Variants in PKHD1 observed in about 807,000 individuals in gnomAD.
The protein encoded by PKHD1 is fibrocystin.
In PKHD1, 291 loss-of-function variants were observed where a neutral mutation model predicts 412.0. The observed-to-expected ratio is 0.71, with a 90% CI of 0.64 to 0.78. The LOEUF (loss-of-function observed/expected upper bound fraction) is 0.78. PKHD1 is among the 30% of genes least tolerant of loss of function. The pLI, the probability that PKHD1 is intolerant of heterozygous loss-of-function variation, is 0.00. For synonymous variants in PKHD1, 1,777 were observed against 1,821.5 expected (o/e 0.98, Z 0.62); for missense variants, 4,825 against 4,950.7 (o/e 0.97, Z 0.76).
At position 51,748,804 on chromosome 6, in the gene PKHD1, C is replaced by T. The variant is rs1785606095; in HGVS notation, c.8951-139G>A. 4.0e-6 allele frequency: 3 copies of T among 756,680 alleles called. 1 individual carries two copies. Among genetic ancestry groups the T allele is most frequent in the South Asian group, 3.0e-5 (2 of 66,888 alleles). The allele number at this position is 756,680 out of a possible 1,614,324, so 46.9% of individuals were successfully genotyped here. A position where few individuals can be genotyped will look rare whatever the true frequency, so the allele number is the denominator to read the frequency against. ...CTCAACACCAACATTATATTTCACACCATAGATTCTCAACTAAAAATGTAG... is the reference window on the plus strand; with the variant it reads ...CTCAACACCAACATTATATTTCACATCATAGATTCTCAACTAAAAATGTAG... On this transcript the variant is annotated intron_variant, in intron 57 of 66. Coordinates refer to ENST00000371117, the MANE Select transcript of PKHD1 (RefSeq NM_138694.4).
At chr6:51,964,438 C>G (rs1177526356) in intron 35 of PKHD1, among the ~76,000 whole-genome samples, 1 of 152,128 alleles carries the variant, frequency 6.6e-6, no homozygotes, top group Admixed American at 6.6e-5. Flanking sequence ...AGACAAGTCC[C>G]TGTAACCATT....
intron 60 of PKHD1, among the ~76,000 whole-genome samples, chr6:51,682,596 T>C (rs148607555): frequency 2.6e-4 from 40 of 152,222 alleles, no homozygotes; most frequent in Middle Eastern, 3.4e-3. Flanking sequence ...CATTTTGCTA[T>C]GTCCAGGTCT....
chr6:51,683,847 T>G (rs572771827), intron 60 of PKHD1, among the ~76,000 whole-genome samples: 2 of 143,694 alleles, frequency 1.4e-5, no homozygotes, highest in Non-Finnish European at 3.0e-5. Context: ...GGTTAAAAAT[T>G]AAACGAGAGA....
intron 4 of PKHD1, among the ~76,000 whole-genome samples, chr6:52,081,319 T>C (rs1811992934): frequency 6.6e-6 from 1 of 152,192 alleles, no homozygotes; most frequent in Non-Finnish European, 1.5e-5. Flanking sequence ...TTAAAACCAA[T>C]AGTAGTGGTA....
chr6:51,866,550 T>C (rs1163207927), intron 48 of PKHD1, among the ~76,000 whole-genome samples: 1 of 152,128 alleles, frequency 6.6e-6, no homozygotes, highest in Admixed American at 6.6e-5. Flanking sequence ...TAACATCACA[T>C]TGACAAGTGC....
intron 36 of PKHD1, among the ~76,000 whole-genome samples, chr6:51,949,171 A>G (rs778137637): frequency 3.3e-5 from 5 of 152,204 alleles, no homozygotes; most frequent in Non-Finnish European, 7.3e-5. Context: ...TTAGATGTAA[A>G]CTAATTTACT....
rs1458400313 is a variant in PKHD1 at position 51,775,854 on chromosome 6, G to A, written c.8508C>T (p.Val2836=). ...LLILLRASEG[V]FCDRMNGIHI... The stretch of plus-strand genomic sequence containing the variant: ...GAATTCCATTCATACGGTCACAAAA[G>A]ACTCCCTCTGAGGCTCTAAGGAGAA... The change falls in exon 54 of 67, where the codon GTC becomes GTT. Residue 2836 remains valine, a synonymous_variant. Coordinates refer to ENST00000371117, the MANE Select transcript of PKHD1 (RefSeq NM_138694.4). The A allele has an allele frequency of 6.3e-7, 1 of 1,598,942 alleles. No individual in the cohort carries two copies. Among genetic ancestry groups the A allele is most frequent in the Non-Finnish European group, 8.6e-7 (1 of 1,167,196 alleles).
intron 36 of PKHD1, among the ~76,000 whole-genome samples, chr6:51,943,612 T>C (rs932388239): frequency 1.3e-5 from 2 of 151,694 alleles, no homozygotes; most frequent in African/African-American, 4.8e-5. Context: ...AGGGCTATGC[T>C]GAACCTCCTT....
intron 2 of PKHD1, 55 bp downstream of exon 2, chr6:52,084,827 C>T: frequency 9.3e-7 from 1 of 1,079,114 alleles, no homozygotes; most frequent in Non-Finnish European, 1.4e-6. Flanking sequence ...TAATAGTTCT[C>T]AAGGTAACCT....
chr6:51,835,546 C>T (rs1387940621), intron 51 of PKHD1, among the ~76,000 whole-genome samples: 2 of 152,102 alleles, frequency 1.3e-5, no homozygotes, highest in Non-Finnish European at 1.5e-5. Flanking sequence ...ATAAAAGGCA[C>T]TCAATAAACA....
chr6:51,673,752 C>T (rs766389103), intron 60 of PKHD1, among the ~76,000 whole-genome samples: 27 of 152,206 alleles, frequency 1.8e-4, no homozygotes, highest in Middle Eastern at 3.4e-3. Flanking sequence ...ATGGGAGCAG[C>T]ATGGAAACAT....
At chr6:52,031,007 C>A (rs1305415968) in intron 29 of PKHD1, among the ~76,000 whole-genome samples, 1 of 152,084 alleles carries the variant, frequency 6.6e-6, no homozygotes, top group East Asian at 1.9e-4. Flanking sequence ...GACCAATAGG[C>A]AGGGCCTTTC....
intron 27 of PKHD1, among the ~76,000 whole-genome samples, chr6:52,040,188 A>T (rs564026864): frequency 1.3e-5 from 2 of 152,204 alleles, no homozygotes; most frequent in Non-Finnish European, 2.9e-5. Flanking sequence ...GTGATGAGGT[A>T]TACAACTTTG....
rs1202369748 is a variant in PKHD1 at position 51,658,885 on chromosome 6, G to T, written c.11174+67C>A. 5.0e-5 allele frequency: 49 copies of T among 981,232 alleles called. 1 individual carries two copies. The highest frequency in any genetic ancestry group is 1.3e-4 in the African/African-American group (8 of 62,838). The allele number at this position is 981,232 out of a possible 1,614,324, so 60.8% of individuals were successfully genotyped here. On this transcript the variant is annotated intron_variant, in intron 61 of 66. Coordinates refer to ENST00000371117, the MANE Select transcript of PKHD1 (RefSeq NM_138694.4). ...ATTCAGTGTAAGTAGATTGACATTT[G>T]CAACATATGTCAATATGGACCTAAA...
Position 52,060,043 on chromosome 6 carries a change from C to A in PKHD1, c.1119-1G>T. 1 of 1,561,992 alleles carries A rather than the reference C, an allele frequency of 6.4e-7. No homozygotes were observed. The highest frequency in any genetic ancestry group is 1.1e-5 in the South Asian group (1 of 90,064). On this transcript the variant is annotated splice_acceptor_variant, in intron 14 of 66. Transcript: ENST00000371117. LOFTEE classifies it high-confidence loss of function. ...CACAAAGAACCCACTGAGCCGTGCT[C>A]TGTAAAGTAGAACATAGAGTCAAGC...
At chr6:51,922,547 G>A (rs1349926959) in intron 37 of PKHD1, among the ~76,000 whole-genome samples, 1 of 152,254 alleles carries the variant, frequency 6.6e-6, no homozygotes, top group Non-Finnish European at 1.5e-5. Context: ...GCCCCGAGAG[G>A]TAGAGTCTAC....
At chr6:51,624,070 T>A (rs1047872225) in intron 66 of PKHD1, among the ~76,000 whole-genome samples, 2 of 152,166 alleles carry the variant, frequency 1.3e-5, no homozygotes, top group Non-Finnish European at 2.9e-5. Context: ...TAATTTTTTT[T>A]AAGAGACTAG....
chr6:51,956,852 G>C (rs1214011491), intron 36 of PKHD1, among the ~76,000 whole-genome samples: 3 of 152,030 alleles, frequency 2.0e-5, no homozygotes, highest in African/African-American at 7.2e-5. Context: ...AGAAGAGCTA[G>C]AGCAGAGTGA....
chr6:52,073,347 G>A (rs1810898277), intron 7 of PKHD1, 116 bp downstream of exon 7: 1 of 798,990 alleles, frequency 1.3e-6, no homozygotes, highest in Admixed American at 1.7e-5. Flanking sequence ...CTGCAAAAAG[G>A]AAAATAGCAA....
Sources: gnomAD v4.1 joint callset for allele counts (sites outside exome capture counted in the v4.1 genomes callset) on GRCh38, gnomAD v4.1.1 for gene constraint, MANE v1.5 for transcripts, NCBI Gene and HGNC (gene_info 2026-07-23, HGNC 2026-07-21) for gene names.